Variants in ATRX observed in about 807,000 individuals in gnomAD.
The protein encoded by ATRX is ATRX chromatin remodeler, also known as chromatin remodeler ATRX.
Under a neutral mutation model 172.6 loss-of-function variants are expected in ATRX, and 12 were observed. That is an observed-to-expected ratio of 0.07 (90% confidence interval 0.04 to 0.11). The LOEUF (loss-of-function observed/expected upper bound fraction) is 0.11. Among genes scored for constraint, ATRX ranks in the 10% least tolerant of loss-of-function variants. ATRX has a pLI of 1.00. For missense variants in ATRX, 1,368 were observed against 1,767.4 expected (o/e 0.77, Z 4.05); for synonymous variants, 674 against 594.7 (o/e 1.13, Z -1.94).
chrX:77,734,652 T>C (rs781809942), intron 1 of ATRX, among the ~76,000 whole-genome samples: 2 of 104,263 alleles, frequency 1.9e-5, no homozygotes, highest in African/African-American at 7.1e-5. Context: ...CTGGGCATCA[T>C]GGTGGGTGCC....
intron 28 of ATRX, among the ~76,000 whole-genome samples, chrX:77,562,957 G>A (rs2065069606): frequency 8.9e-6 from 1 of 112,347 alleles, no homozygotes; most frequent in Admixed American, 9.4e-5. Flanking sequence ...TTTACTAACT[G>A]GGTTGTTTTC....
At chrX:77,549,801 A>C (rs1242898235) in intron 30 of ATRX, among the ~76,000 whole-genome samples, 2 of 112,033 alleles carry the variant, frequency 1.8e-5, no homozygotes, top group African/African-American at 6.5e-5. Context: ...AAGCAGCAAC[A>C]GTAAGAATCC....
intron 21 of ATRX, 96 bp from the exon 22 acceptor site, chrX:77,616,826 A>C: frequency 1.7e-6 from 1 of 600,321 alleles, no homozygotes; most frequent in Non-Finnish European, 2.8e-6. Context: ...ATACACATAA[A>C]TAAATAGGCA....
intron 30 of ATRX, among the ~76,000 whole-genome samples, chrX:77,546,193 C>T (rs971683444): frequency 2.2e-4 from 24 of 110,926 alleles, no homozygotes; most frequent in African/African-American, 7.2e-4. Context: ...AGCCCCGGTG[C>T]CACCACTTTC....
intron 2 of ATRX, among the ~76,000 whole-genome samples, chrX:77,715,750 T>C (rs532012142): frequency 1.8e-5 from 2 of 111,950 alleles, no homozygotes; most frequent in South Asian, 7.4e-4. Context: ...TCTAGTCTGA[T>C]GTTTTTCATC....
At position 77,663,698 on chromosome X, in the gene ATRX, G is replaced by A. The variant is rs1303098982; in HGVS notation, c.3944-140C>T. Reference sequence around the variant, plus strand: ...TACTTTGGTATCATTGGTGTTATCAGGTAATCTCACACATCAGACTTGACA... The same window carrying A: ...TACTTTGGTATCATTGGTGTTATCAAGTAATCTCACACATCAGACTTGACA... On this transcript the variant is annotated intron_variant, in intron 11 of 34. Coordinates refer to ENST00000373344, the MANE Select transcript of ATRX (RefSeq NM_000489.6). 6.1e-6 allele frequency: 3 copies of A among 489,822 alleles called. No homozygotes were observed. In the African/African-American group the frequency reaches 7.2e-5, roughly 12 times the overall value. 40.4% of individuals were successfully genotyped at this position (489,822 alleles called of 1,213,427 possible).
intron 15 of ATRX, among the ~76,000 whole-genome samples, chrX:77,644,383 A>G (rs1206248744): frequency 8.9e-6 from 1 of 112,659 alleles, no homozygotes; most frequent in African/African-American, 3.2e-5. Flanking sequence ...CAATTTATAT[A>G]TATTTTAAAA....
At position 77,683,976 on chromosome X, in the gene ATRX, TTC is replaced by T; in HGVS notation, c.1278_1279del (p.Asn428TyrfsTer5). 8.3e-7 allele frequency: 1 copy of T among 1,210,435 alleles called. No homozygotes were observed. Among genetic ancestry groups the T allele is most frequent in the Non-Finnish European group, 1.1e-6 (1 of 894,399 alleles). On this transcript the variant is annotated frameshift_variant, in exon 9 of 35. Coordinates refer to ENST00000373344, the MANE Select transcript of ATRX (RefSeq NM_000489.6). LOFTEE classifies it high-confidence loss of function. ...TATGACTTTATGCTCTTTGGTATTT[TTC>T]TCTTTGTTTACAGCATCCATCGCTC...
intron 30 of ATRX, among the ~76,000 whole-genome samples, chrX:77,551,418 T>G (rs1289821489): frequency 3.6e-5 from 4 of 112,114 alleles, no homozygotes; most frequent in Non-Finnish European, 7.5e-5. Context: ...TAGCCATATG[T>G]AGAAAGCTGG....
intron 19 of ATRX, among the ~76,000 whole-genome samples, chrX:77,627,575 T>G: frequency 9.2e-6 from 1 of 109,266 alleles, no homozygotes; most frequent in Non-Finnish European, 1.9e-5. Context: ...AAAAAATTAG[T>G]TGTGTGTCAG....
intron 1 of ATRX, among the ~76,000 whole-genome samples, chrX:77,755,168 GT>G (rs1387081264): frequency 4.4e-5 from 5 of 112,537 alleles, no homozygotes; most frequent in African/African-American, 1.3e-4. Context: ...TTCTTGTGCT[GT>G]GTTTTTCAGC....
At chrX:77,707,124 T>C (rs1294190748) in intron 2 of ATRX, among the ~76,000 whole-genome samples, 1 of 111,898 alleles carries the variant, frequency 8.9e-6, no homozygotes, top group African/African-American at 3.2e-5. Flanking sequence ...GAAGGACAAA[T>C]ATTGTAGGAT....
At chrX:77,701,062 A>G (rs1319781711) in intron 2 of ATRX, among the ~76,000 whole-genome samples, 2 of 112,428 alleles carry the variant, frequency 1.8e-5, no homozygotes, top group Non-Finnish European at 3.8e-5. Flanking sequence ...TGACATGTCA[A>G]TGTAGGTTCA....
chrX:77,538,387 T>C (rs966010602), intron 30 of ATRX, among the ~76,000 whole-genome samples: 3 of 110,637 alleles, frequency 2.7e-5, no homozygotes, highest in Non-Finnish European at 5.7e-5. Flanking sequence ...AAATACTACA[T>C]ATTCTCACTT....
At chrX:77,709,018 G>A (rs1414440312) in intron 2 of ATRX, among the ~76,000 whole-genome samples, 1 of 112,184 alleles carries the variant, frequency 8.9e-6, no homozygotes, top group Non-Finnish European at 1.9e-5. Flanking sequence ...ACCAGCATGG[G>A]CAACAGAGCC....
intron 1 of ATRX, among the ~76,000 whole-genome samples, chrX:77,766,220 G>A (rs1473965101): frequency 8.8e-6 from 1 of 113,046 alleles, no homozygotes; most frequent in Non-Finnish European, 1.9e-5. Flanking sequence ...CTCCCAGACG[G>A]GGTGGTGGCC....
At chrX:77,700,730 T>C (rs1476386775) in intron 2 of ATRX, among the ~76,000 whole-genome samples, 2 of 112,292 alleles carry the variant, frequency 1.8e-5, no homozygotes, top group Admixed American at 1.9e-4. Flanking sequence ...GCTATCAAGC[T>C]ACAAAGAGAC....
At chrX:77,582,128 G>C (rs782158395) in intron 27 of ATRX, among the ~76,000 whole-genome samples, 1 of 111,464 alleles carries the variant, frequency 9.0e-6, no homozygotes, top group Non-Finnish European at 1.9e-5. Context: ...GGCTGGTCGC[G>C]GTGGCTCATG....
At chrX:77,616,172 T>C (rs1238738834) in intron 22 of ATRX, 1 of 806,916 alleles carries the variant, frequency 1.2e-6, no homozygotes, top group Non-Finnish European at 1.5e-6. Flanking sequence ...ATTTTAGGCA[T>C]ACTACATGCC....
Sources: allele counts gnomAD v4.1 joint callset (sites outside exome capture counted in the v4.1 genomes callset), GRCh38; gene constraint gnomAD v4.1.1; transcripts MANE v1.5; gene names NCBI Gene and HGNC (gene_info 2026-07-23, HGNC 2026-07-21).